The following DNAH9 variants were observed in gnomAD, a reference collection of about 807,000 sequenced individuals.
DNAH9 encodes the protein DNAH9 variant protein.
DNAH9 carries 345 observed loss-of-function variants against 471.6 expected under a neutral mutation model. The observed-to-expected ratio is 0.73, with a 90% confidence interval of 0.67 to 0.80. DNAH9 has a LOEUF of 0.80. Ranked by LOEUF, DNAH9 falls within the 30% of genes least tolerant of loss-of-function variation. The pLI, the probability that DNAH9 is intolerant of heterozygous loss-of-function variation, is 0.00. For missense variants in DNAH9, 5,407 were observed against 5,609.2 expected, an observed-to-expected ratio of 0.96 and a Z score of 1.15; for synonymous variants, 2,093 against 2,123.6, an observed-to-expected ratio of 0.99 and a Z score of 0.40.
rs1970548149 is a variant in DNAH9 at position 11,827,784 on chromosome 17, C to G, written c.9246+4750C>G. ...CACCGCAACCTCCGCCTCCCAGGCTCAAGCGATTCTCCTGCCTCAGCCTCC... is the reference window on the plus strand; with the variant it reads ...CACCGCAACCTCCGCCTCCCAGGCTGAAGCGATTCTCCTGCCTCAGCCTCC... On this transcript the variant is annotated intron_variant, in intron 48 of 68. Coordinates refer to ENST00000262442, the MANE Select transcript of DNAH9 (RefSeq NM_001372.4). Among the ~76,000 whole-genome samples the G allele has an allele frequency of 2.0e-5, 3 of 152,028 alleles. 1 individual carries two copies. The South Asian group carries it at 6.2e-4, about 32-fold the overall frequency.
chr17:11,928,052 C>G (rs1408426135), intron 62 of DNAH9, among the ~76,000 whole-genome samples: 1 of 152,168 alleles, frequency 6.6e-6, no homozygotes, highest in Non-Finnish European at 1.5e-5. Flanking sequence ...TCAACAACTA[C>G]TACTATCCCT....
chr17:11,752,948 G>A lies in DNAH9; in HGVS notation c.6726G>A (p.Met2242Ile). 2 of 1,590,852 alleles carry A rather than the reference G, an allele frequency of 1.3e-6. No individual in the cohort carries two copies. The highest frequency in any genetic ancestry group is 1.7e-6 in the Non-Finnish European group (2 of 1,169,064). ...GGATTGAATCCCTGAATACTGTCAT[G>A]GATGATAACAAGGTATGAAATTGGG... is the stretch of plus-strand genomic sequence containing the variant. ...PMWIESLNTV[M>I]DDNKVLTLAS... The change falls in exon 33 of 69, where the codon ATG (methionine) becomes ATA (isoleucine). Residue 2242 changes from methionine (M) to isoleucine (I), a missense_variant. Met to Ile is a conservative substitution (Grantham distance 10, BLOSUM62 1). Coordinates refer to ENST00000262442, the MANE Select transcript of DNAH9 (RefSeq NM_001372.4).
chr17:11,805,517 C>T (rs950078758), intron 43 of DNAH9, among the ~76,000 whole-genome samples: 3 of 126,908 alleles, frequency 2.4e-5, no homozygotes, highest in Admixed American at 1.7e-4. Context: ...AAACTTTACC[C>T]GAGTTCTTTT....
Position 11,690,198 on chromosome 17 carries a change from T to A in DNAH9, c.4376T>A (p.Val1459Asp). The change falls in exon 20 of 69, where the codon GTC becomes GAC. Residue 1459 changes from valine to aspartate, a missense_variant. This residue lies in a region of DNAH9 where 4,636 missense variants were observed against 4,900.3 expected (regional missense o/e 0.95). Coordinates refer to ENST00000262442, the MANE Select transcript of DNAH9 (RefSeq NM_001372.4). ...FQYEPHPRTN[V>D]PLLCSDEDLI... Reference sequence around the variant, plus strand: ...TATGAGCCCCACCCACGGACCAATGTCCCCCTCCTGTGCTCTGATGAGGAC... The same window carrying A: ...TATGAGCCCCACCCACGGACCAATGACCCCCTCCTGTGCTCTGATGAGGAC... 4.3e-6 allele frequency: 7 copies of A among 1,614,098 alleles called. No individual in the cohort carries two copies. Among genetic ancestry groups the A allele is most frequent in the Non-Finnish European group, 5.9e-6 (7 of 1,180,012 alleles).
At position 11,848,930 on chromosome 17, in the gene DNAH9, G is replaced by A. The variant is rs982346820; in HGVS notation, c.9508-5073G>A. Among the ~76,000 whole-genome samples the A allele has an allele frequency of 5.3e-5, 8 of 151,698 alleles. No homozygotes were observed. The East Asian group carries it at 9.7e-4, about 18-fold the overall frequency. Reference sequence around the variant, plus strand: ...CGGCTCACTGCAAGCTCTGCCTCCCGGGTTCACGCCATTCTCCTGCCTCAG... The same window carrying A: ...CGGCTCACTGCAAGCTCTGCCTCCCAGGTTCACGCCATTCTCCTGCCTCAG... On this transcript the variant is annotated intron_variant, in intron 49 of 68. Coordinates refer to ENST00000262442, the MANE Select transcript of DNAH9 (RefSeq NM_001372.4).
chr17:11,743,947 A>C (rs1392466294), intron 30 of DNAH9, among the ~76,000 whole-genome samples: 1 of 151,264 alleles, frequency 6.6e-6, no homozygotes, highest in Non-Finnish European at 1.5e-5. Flanking sequence ...CTCCTGCCTC[A>C]GCCTCCTGAG....
chr17:11,604,759 A>C (rs2072463737), intron 1 of DNAH9, among the ~76,000 whole-genome samples: 1 of 151,934 alleles, frequency 6.6e-6, no homozygotes, highest in Admixed American at 6.6e-5. Flanking sequence ...TATACCTTCA[A>C]AATTTGTATG....
At chr17:11,655,897 TATACACACACACAC>T (rs1294345386) in intron 14 of DNAH9, among the ~76,000 whole-genome samples, 63 of 151,826 alleles carry the variant, frequency 4.1e-4, no homozygotes, top group Middle Eastern at 6.8e-3. Flanking sequence ...TATACATATA[TATACACACACACAC>T]ATACACACAC....
At chr17:11,766,029 G>A (rs1016430978) in intron 36 of DNAH9, among the ~76,000 whole-genome samples, 4 of 152,090 alleles carry the variant, frequency 2.6e-5, no homozygotes, top group African/African-American at 4.8e-5. Context: ...CCCTCCAGGC[G>A]TCCTGCGCAC....
chr17:11,809,628 G>C (rs775182438), intron 44 of DNAH9, among the ~76,000 whole-genome samples: 1 of 152,032 alleles, frequency 6.6e-6, no homozygotes, highest in South Asian at 2.1e-4. Flanking sequence ...ATATTCATCC[G>C]CCATGCTGGT....
intron 15 of DNAH9, among the ~76,000 whole-genome samples, chr17:11,668,467 C>A (rs1364086894): frequency 6.6e-6 from 1 of 152,040 alleles, no homozygotes; most frequent in Non-Finnish European, 1.5e-5. Flanking sequence ...GAGTTTGAGA[C>A]CAGCCTGGCC....
At chr17:11,620,438 G>A (rs568463777) in intron 6 of DNAH9, among the ~76,000 whole-genome samples, 3 of 146,792 alleles carry the variant, frequency 2.0e-5, no homozygotes, top group African/African-American at 7.6e-5. Flanking sequence ...CTTGAACTCG[G>A]AAGGCAGAGG....
chr17:11,939,956 A>T (rs984315675), intron 66 of DNAH9, among the ~76,000 whole-genome samples: 1 of 152,118 alleles, frequency 6.6e-6, no homozygotes, highest in Admixed American at 6.6e-5. Flanking sequence ...CGGATGATAG[A>T]GGAATAGAGT....
At chr17:11,874,024 C>T (rs1348562999) in intron 52 of DNAH9, among the ~76,000 whole-genome samples, 3 of 152,112 alleles carry the variant, frequency 2.0e-5, no homozygotes, top group African/African-American at 4.8e-5. Context: ...GCAGGTGGAT[C>T]GCCTGAGGTC....
rs940691068 is a variant in DNAH9, at chr17:11,856,392, A to G, written c.9933+1964A>G. Among the ~76,000 whole-genome samples the G allele has an allele frequency of 2.0e-5, 3 of 152,204 alleles. 1 individual carries two copies. The highest frequency in any genetic ancestry group is 4.2e-4 in the South Asian group (2 of 4,812). ...TCTAGATCAAAGATCCTTGAGACCA[A>G]TCTCTCTATTTAAAAAGATACTTTG... On this transcript the variant is annotated intron_variant, in intron 50 of 68. Coordinates refer to ENST00000262442, the MANE Select transcript of DNAH9 (RefSeq NM_001372.4).
In DNAH9 at chr17:11,784,303, C is replaced by T; in HGVS notation, c.7825C>T (p.His2609Tyr). ...SFTINPRLQR[H>Y]FSVFVLSFPG... ...CATGCCTTTGTTTCCTGTACAGCGT[C>T]ACTTCAGCGTGTTTGTCCTCTCCTT... The change falls in exon 41 of 69, where the codon CAC becomes TAC. Residue 2609 changes from histidine to tyrosine, a missense_variant. By Grantham distance (83) the His-to-Tyr change is moderately conservative. Transcript: ENST00000262442. The T allele has an allele frequency of 2.5e-6, 4 of 1,614,132 alleles. No homozygotes were observed. Among genetic ancestry groups the T allele is most frequent in the Non-Finnish European group, 3.4e-6 (4 of 1,179,986 alleles).
intron 63 of DNAH9, 78 bp downstream of exon 63, chr17:11,930,171 C>A: frequency 1.6e-6 from 2 of 1,279,544 alleles, no homozygotes; most frequent in South Asian, 1.3e-5. Context: ...GGAGAGCATG[C>A]AACTCAGAAG....
chr17:11,869,838 C>A (rs532725718), intron 51 of DNAH9, among the ~76,000 whole-genome samples: 1 of 152,324 alleles, frequency 6.6e-6, no homozygotes, highest in South Asian at 2.1e-4. Context: ...ATAACCATTT[C>A]ATAATATCTC....
chr17:11,955,961 C>A (rs1975618220), intron 67 of DNAH9, among the ~76,000 whole-genome samples: 1 of 152,172 alleles, frequency 6.6e-6, no homozygotes, highest in African/African-American at 2.4e-5. Context: ...GGTCAACCAC[C>A]CTTTTCTATT....
Sources: allele counts gnomAD v4.1 joint callset (sites outside exome capture counted in the v4.1 genomes callset), GRCh38; gene constraint gnomAD v4.1.1; regional missense constraint gnomAD v4.1.1; transcripts MANE v1.5; gene names NCBI Gene and HGNC (gene_info 2026-07-23, HGNC 2026-07-21).